Variants in SREK1IP1 observed in about 807,000 individuals in gnomAD.
The protein encoded by SREK1IP1 is protein SREK1IP1.
Under a neutral mutation model 22.8 loss-of-function variants are expected in SREK1IP1, and 12 were observed. That is an observed-to-expected ratio of 0.53 (90% CI 0.34 to 0.85). SREK1IP1 has a LOEUF of 0.85. SREK1IP1 is among the 40% of genes least tolerant of loss of function. The pLI, the probability that SREK1IP1 is intolerant of heterozygous loss-of-function variation, is 0.02. For missense variants in SREK1IP1, 147 were observed against 171.8 expected (o/e 0.86, Z 0.81); for synonymous variants, 53 against 52.7 (o/e 1.01, Z -0.02).
rs1387282285 is a variant in SREK1IP1 at position 64,730,885 on chromosome 5, G to C, written c.206-2706C>G. On this transcript the variant is annotated intron_variant, in intron 3 of 4. Coordinates refer to ENST00000513458, the MANE Select transcript of SREK1IP1 (RefSeq NM_173829.4). ...CCATATTTGGGGTTTTGCTAGATAA[G>C]GGTAAAAGATAAAGAAAGGAGTAAG... Among the ~76,000 whole-genome samples, 4 of 152,228 alleles carry C rather than the reference G, an allele frequency of 2.6e-5. No homozygotes were observed. The East Asian group carries it at 7.7e-4, about 29-fold the overall frequency.
In SREK1IP1 at chr5:64,722,365, A is replaced by C. The variant is rs1410125960; in HGVS notation, c.*2019T>G. 1 of 152,224 alleles carries C rather than the reference A, an allele frequency of 6.6e-6. No homozygotes were observed. The highest frequency in any genetic ancestry group is 1.5e-5 in the Non-Finnish European group (1 of 68,022). 9.4% of individuals were successfully genotyped at this position (152,224 alleles called of 1,614,324 possible). A position where few individuals can be genotyped will look rare whatever the true frequency, so the allele number is the denominator to read the frequency against. On this transcript the variant is annotated 3_prime_UTR_variant, in exon 5 of 5. Transcript: ENST00000513458. ...ACAATTAACAGTAATAAAACTTACA[A>C]GTAATTAACTATTTCACTACAATTA...
intron 3 of SREK1IP1, among the ~76,000 whole-genome samples, chr5:64,735,700 T>C (rs1166503844): frequency 6.6e-6 from 1 of 152,152 alleles, no homozygotes; most frequent in Non-Finnish European, 1.5e-5. Context: ...TGATCTGTAG[T>C]GTTATCGATT....
chr5:64,725,290 A>G (rs1223757092), intron 4 of SREK1IP1, among the ~76,000 whole-genome samples: 2 of 152,194 alleles, frequency 1.3e-5, no homozygotes, highest in African/African-American at 2.4e-5. Flanking sequence ...AGGAAAAGAA[A>G]AAGAAAAAAA....
At chr5:64,738,442 T>C (rs1396676000) in intron 3 of SREK1IP1, among the ~76,000 whole-genome samples, 1 of 152,144 alleles carries the variant, frequency 6.6e-6, no homozygotes, top group Non-Finnish European at 1.5e-5. Flanking sequence ...ATGGAATCCC[T>C]ACCAAAATCC....
At chr5:64,743,418 C>T (rs756345461) in intron 2 of SREK1IP1, among the ~76,000 whole-genome samples, 4 of 152,142 alleles carry the variant, frequency 2.6e-5, no homozygotes, top group Non-Finnish European at 5.9e-5. Context: ...ATGAAATTGC[C>T]TAATGACACA....
At chr5:64,726,990 T>C (rs1742278786) in intron 4 of SREK1IP1, among the ~76,000 whole-genome samples, 1 of 152,202 alleles carries the variant, frequency 6.6e-6, no homozygotes, top group Non-Finnish European at 1.5e-5. Flanking sequence ...CTTCCTGTGC[T>C]AGAATAAATG....
intron 4 of SREK1IP1, among the ~76,000 whole-genome samples, chr5:64,726,960 A>G (rs58294968): frequency 0.067 from 10,155 of 152,234 alleles, 1,107 homozygotes; most frequent in African/African-American, 0.23. Context: ...ATCAGATATC[A>G]TTTCCTGTGA....
chr5:64,747,115 T>G (rs755738312), intron 2 of SREK1IP1, among the ~76,000 whole-genome samples: 5 of 152,206 alleles, frequency 3.3e-5, no homozygotes, highest in Non-Finnish European at 7.3e-5. Flanking sequence ...GGCACTTCTG[T>G]GTGTTCACAA....
chr5:64,761,254 T>C (rs955809200), intron 1 of SREK1IP1, among the ~76,000 whole-genome samples: 26 of 152,204 alleles, frequency 1.7e-4, no homozygotes, highest in Non-Finnish European at 7.3e-5. Context: ...AAAGTAGCCA[T>C]ATAATTTTGA....
At chr5:64,747,492 G>A (rs1019650881) in intron 2 of SREK1IP1, among the ~76,000 whole-genome samples, 43 of 150,316 alleles carry the variant, frequency 2.9e-4, no homozygotes, top group African/African-American at 1.0e-3. Flanking sequence ...CAGGGACAAT[G>A]ACCAAATATA....
rs145086275 is a variant in SREK1IP1 at position 64,755,038 on chromosome 5, A to G, written c.14-676T>C. On this transcript the variant is annotated intron_variant, in intron 1 of 4. Coordinates refer to ENST00000513458, the MANE Select transcript of SREK1IP1 (RefSeq NM_173829.4). Reference sequence around the variant, plus strand: ...CCAACTCACACCAGTCAGAATAGCTATTATTAAAAAGTCAAAAAACAACAG... The same window carrying G: ...CCAACTCACACCAGTCAGAATAGCTGTTATTAAAAAGTCAAAAAACAACAG... 9.9e-3 allele frequency among the ~76,000 whole-genome samples: 1,515 copies of G among 152,292 alleles called. 14 individuals carry two copies. The highest frequency in any genetic ancestry group is 0.048 in the Middle Eastern group (14 of 294).
chr5:64,757,593 C>T (rs1193424018), intron 1 of SREK1IP1, among the ~76,000 whole-genome samples: 2 of 152,162 alleles, frequency 1.3e-5, no homozygotes, highest in African/African-American at 4.8e-5. Flanking sequence ...TACACAAGCA[C>T]ATACATCTCA....
chr5:64,758,132 TC>T (rs760679814), intron 1 of SREK1IP1, among the ~76,000 whole-genome samples: 1 of 151,966 alleles, frequency 6.6e-6, no homozygotes, highest in Admixed American at 6.6e-5. Context: ...TGCCTTGGCC[TC>T]CCAAAGTGCT....
At chr5:64,725,331 A>G (rs1742244415) in intron 4 of SREK1IP1, among the ~76,000 whole-genome samples, 1 of 152,228 alleles carries the variant, frequency 6.6e-6, no homozygotes, top group African/African-American at 2.4e-5. Context: ...GATCTTACTT[A>G]AAGAGATGTG....
chr5:64,738,793 T>C (rs1038877334), intron 3 of SREK1IP1, among the ~76,000 whole-genome samples: 2 of 152,166 alleles, frequency 1.3e-5, no homozygotes, highest in Non-Finnish European at 2.9e-5. Flanking sequence ...AATAAAACTG[T>C]ACCCTCACCT....
chr5:64,745,499 G>A (rs534808318), intron 2 of SREK1IP1, among the ~76,000 whole-genome samples: 2 of 151,962 alleles, frequency 1.3e-5, no homozygotes, highest in Admixed American at 1.3e-4. Flanking sequence ...TAAGGCACAA[G>A]AATTGCTTGA....
Position 64,721,654 on chromosome 5 carries a change from T to C in SREK1IP1, c.*2730A>G, listed in dbSNP as rs905677584. 3 of 151,984 alleles carry C rather than the reference T, an allele frequency of 2.0e-5. No homozygotes were observed. The highest frequency in any genetic ancestry group is 7.2e-5 in the African/African-American group (3 of 41,384). The allele number at this position is 151,984 out of a possible 1,614,324, so 9.4% of individuals were successfully genotyped here. On this transcript the variant is annotated 3_prime_UTR_variant, in exon 5 of 5. Coordinates refer to ENST00000513458, the MANE Select transcript of SREK1IP1 (RefSeq NM_173829.4). ...AATGGCCATAAAGTGCCAGATAATCTAGTTCCAGATGCAAACCTAAATATA... is the reference window on the plus strand; with the variant it reads ...AATGGCCATAAAGTGCCAGATAATCCAGTTCCAGATGCAAACCTAAATATA...
rs905619723 is a variant in SREK1IP1 at position 64,723,737 on chromosome 5, A to T, written c.*647T>A. Reference sequence around the variant, plus strand: ...AAAAACAAAGGAGGCAGGTACTAGAAATTCTGCATTTCATAGAAGAGTAAA... The same window carrying T: ...AAAAACAAAGGAGGCAGGTACTAGATATTCTGCATTTCATAGAAGAGTAAA... On this transcript the variant is annotated 3_prime_UTR_variant, in exon 5 of 5. Coordinates refer to ENST00000513458, the MANE Select transcript of SREK1IP1 (RefSeq NM_173829.4). 3.9e-5 allele frequency: 6 copies of T among 152,582 alleles called. No homozygotes were observed. The highest frequency in any genetic ancestry group is 8.8e-5 in the Non-Finnish European group (6 of 68,034). The allele number at this position is 152,582 out of a possible 1,614,324, so 9.5% of individuals were successfully genotyped here. A position where few individuals can be genotyped will look rare whatever the true frequency, so the allele number is the denominator to read the frequency against.
chr5:64,730,187 T>G (rs1742352041), intron 3 of SREK1IP1, among the ~76,000 whole-genome samples: 1 of 152,092 alleles, frequency 6.6e-6, no homozygotes, highest in African/African-American at 2.4e-5. Flanking sequence ...GTAGGAATGT[T>G]GAAGAGAGGG....
Sources: gnomAD v4.1 joint callset for allele counts (sites outside exome capture counted in the v4.1 genomes callset) on GRCh38, gnomAD v4.1.1 for gene constraint, MANE v1.5 for transcripts, NCBI Gene and HGNC (gene_info 2026-07-23, HGNC 2026-07-21) for gene names.